The following RBFOX1 variants were observed in gnomAD, a reference collection of about 807,000 sequenced individuals.
RBFOX1 encodes RNA binding fox-1 homolog 1.
Under a neutral mutation model 57.7 loss-of-function variants are expected in RBFOX1, and 8 were observed. The observed-to-expected ratio is 0.14, with a 90% CI of 0.08 to 0.25. The LOEUF is 0.25. Among genes scored for constraint, RBFOX1 ranks in the 10% least tolerant of loss-of-function variants. The probability of loss-of-function intolerance (pLI) is 1.00; values close to 1 mark genes in which losing one functional copy is unlikely to be tolerated. For synonymous variants in RBFOX1, 326 were observed against 222.4 expected, an observed-to-expected ratio of 1.47 and a Z score of -4.15; for missense variants, 611 against 548.5, an observed-to-expected ratio of 1.11 and a Z score of -1.14.
chr16:5,415,799 A>G (rs2067144806), intron 1 of RBFOX1, among the ~76,000 whole-genome samples: 1 of 152,232 alleles, frequency 6.6e-6, no homozygotes, highest in Non-Finnish European at 1.5e-5. Context: ...AAAAATAATG[A>G]CAGTGGTGAA....
rs558041366 is a variant in RBFOX1, at chr16:7,600,228, C to A, written c.622+2797C>A. Among the ~76,000 whole-genome samples the A allele has an allele frequency of 3.9e-5, 6 of 152,174 alleles. No homozygotes were observed. In the East Asian group the frequency reaches 9.7e-4, roughly 24 times the overall value. ...CAGAGAATTGTTCCTGTCACACATA[C>A]TGTGTATGGCACCTAAGGGGTTGAT... On this transcript the variant is annotated intron_variant, in intron 9 of 15. Coordinates refer to ENST00000550418, the MANE Select transcript of RBFOX1 (RefSeq NM_018723.4).
chr16:6,566,148 G>T (rs2097262750), intron 2 of RBFOX1, among the ~76,000 whole-genome samples: 1 of 152,304 alleles, frequency 6.6e-6, no homozygotes, highest in African/African-American at 2.4e-5. Context: ...AAGACATTCA[G>T]CTATGCCTAA....
rs149445677 is a variant in RBFOX1, at chr16:6,935,459, C to T, written c.-15-116598C>T. Among the ~76,000 whole-genome samples the T allele has an allele frequency of 2.6e-5, 4 of 152,210 alleles. No individual in the cohort carries two copies. The East Asian group carries it at 5.8e-4, about 22-fold the overall frequency. On this transcript the variant is annotated intron_variant, in intron 3 of 15. Transcript: ENST00000550418. ...CTCTCTTCTTGTCAATTTTCTTTTG[C>T]AATAATGAATGATTACTGTTGTCTT...
chr16:5,661,200 C>G (rs911596878), intron 3 of RBFOX1, among the ~76,000 whole-genome samples: 1 of 152,180 alleles, frequency 6.6e-6, no homozygotes, highest in Non-Finnish European at 1.5e-5. Context: ...ATTTTCCCAA[C>G]TTATTTATTA....
At chr16:6,063,660 C>T (rs6500744) in intron 1 of RBFOX1, among the ~76,000 whole-genome samples, 68,077 of 151,998 alleles carry the variant, frequency 0.45, 15,359 homozygotes, top group East Asian at 0.53. Flanking sequence ...TATTTTCAGG[C>T]GGTTGTATTC....
chr16:6,579,739 T>C (rs996157154), intron 2 of RBFOX1, among the ~76,000 whole-genome samples: 1 of 152,044 alleles, frequency 6.6e-6, no homozygotes, highest in Non-Finnish European at 1.5e-5. Flanking sequence ...AACAGACTAA[T>C]ACACTTGGCT....
chr16:6,246,744 T>G (rs974978594), intron 1 of RBFOX1, among the ~76,000 whole-genome samples: 4 of 152,192 alleles, frequency 2.6e-5, no homozygotes, highest in African/African-American at 9.6e-5. Flanking sequence ...AGGCTGGTGC[T>G]GCCGCGGTCT....
chr16:6,740,475 T>C (rs562021545), intron 3 of RBFOX1, among the ~76,000 whole-genome samples: 40 of 152,310 alleles, frequency 2.6e-4, no homozygotes, highest in African/African-American at 9.4e-4. Context: ...GATTCCATGG[T>C]TATAGAGTAA....
chr16:6,048,934 A>G (rs570949247), intron 1 of RBFOX1, among the ~76,000 whole-genome samples: 22 of 151,880 alleles, frequency 1.4e-4, no homozygotes, highest in African/African-American at 5.3e-4. Context: ...TAGCTATAGC[A>G]TGACTCAGAC....
At chr16:7,600,215 C>T (rs79411378) in intron 9 of RBFOX1, among the ~76,000 whole-genome samples, 288 of 152,230 alleles carry the variant, frequency 1.9e-3, no homozygotes, top group Admixed American at 4.8e-3. Flanking sequence ...GAGAATTGTT[C>T]CTGTCACACA....
intron 1 of RBFOX1, among the ~76,000 whole-genome samples, chr16:5,323,578 T>C (rs1244272144): frequency 6.6e-6 from 1 of 152,258 alleles, no homozygotes; most frequent in African/African-American, 2.4e-5. Context: ...TCAGATTAAT[T>C]AGACATTTCA....
chr16:6,039,596 G>C (rs1033639210), intron 1 of RBFOX1, among the ~76,000 whole-genome samples: 1 of 152,108 alleles, frequency 6.6e-6, no homozygotes, highest in Non-Finnish European at 1.5e-5. Context: ...GCCAGCTTCT[G>C]CAACAGTGAT....
intron 3 of RBFOX1, among the ~76,000 whole-genome samples, chr16:6,924,623 A>C (rs1345928346): frequency 6.6e-6 from 1 of 152,086 alleles, no homozygotes; most frequent in African/African-American, 2.4e-5. Context: ...ATGAGGTGCA[A>C]GTACCTACCT....
chr16:5,360,660 T>C (rs555589865), intron 1 of RBFOX1, among the ~76,000 whole-genome samples: 1 of 152,132 alleles, frequency 6.6e-6, no homozygotes, highest in Non-Finnish European at 1.5e-5. Context: ...CTGTGACTAA[T>C]GTGAGGAAGA....
chr16:5,857,807 A>G (rs1381845017), intron 3 of RBFOX1, among the ~76,000 whole-genome samples: 1 of 151,902 alleles, frequency 6.6e-6, no homozygotes, highest in Non-Finnish European at 1.5e-5. Context: ...TTAGCCAGGC[A>G]TGGTGGTGAG....
At chr16:7,370,094 T>G (rs1042437777) in intron 4 of RBFOX1, among the ~76,000 whole-genome samples, 1 of 152,242 alleles carries the variant, frequency 6.6e-6, no homozygotes, top group Admixed American at 6.5e-5. Context: ...GAAAATTCTG[T>G]TGTTGAAGGG....
At chr16:6,330,734 A>G (rs1013942156) in intron 2 of RBFOX1, among the ~76,000 whole-genome samples, 8 of 152,232 alleles carry the variant, frequency 5.3e-5, no homozygotes, top group African/African-American at 1.9e-4. Context: ...GTACAATAAA[A>G]TAGTATAATT....
intron 1 of RBFOX1, among the ~76,000 whole-genome samples, chr16:6,086,254 G>T (rs1271326428): frequency 6.6e-6 from 1 of 152,130 alleles, no homozygotes; most frequent in African/African-American, 2.4e-5. Context: ...CAAGTGAGTT[G>T]TTGGAAGGGA....
At chr16:6,351,275 A>G (rs2086299062) in intron 2 of RBFOX1, among the ~76,000 whole-genome samples, 1 of 149,070 alleles carries the variant, frequency 6.7e-6, no homozygotes, top group Non-Finnish European at 1.5e-5. Context: ...TAATATATAC[A>G]AGAATATATA....
Sources: allele counts gnomAD v4.1 joint callset (sites outside exome capture counted in the v4.1 genomes callset), GRCh38; gene constraint gnomAD v4.1.1; transcripts MANE v1.5; gene names NCBI Gene and HGNC (gene_info 2026-07-23, HGNC 2026-07-21).